ARPIN: variants seen among roughly 807,000 people sequenced by gnomAD.
ARPIN encodes the protein actin related protein 2/3 complex inhibitor.
ARPIN carries 23 observed loss-of-function variants against 25.9 expected under a neutral mutation model. The observed-to-expected ratio is 0.89, with a 90% CI of 0.64 to 1.26. The LOEUF (loss-of-function observed/expected upper bound fraction) is 1.26, where lower values mean the gene tolerates loss of function less well. Ranked by LOEUF, ARPIN falls within the 50% of genes most tolerant of loss-of-function variation. The probability of loss-of-function intolerance (pLI) is 0.00; values close to 1 mark genes in which losing one functional copy is unlikely to be tolerated. For synonymous variants in ARPIN, 126 were observed against 131.4 expected, an observed-to-expected ratio of 0.96 and a Z score of 0.28; for missense variants, 333 against 312.2, an observed-to-expected ratio of 1.07 and a Z score of -0.50.
At position 89,901,788 on chromosome 15, in the gene ARPIN, A is replaced by T. The variant is rs895871499; in HGVS notation, c.*7T>A. ...GGTGCTGGTGCCCCCAGAGGCAGCC[A>T]CGTCCCTCAGTCATCCTAGAGAAAT... On this transcript the variant is annotated 3_prime_UTR_variant, in exon 6 of 6. Transcript: ENST00000357484. The T allele has an allele frequency of 1.2e-6, 2 of 1,613,962 alleles. No individual in the cohort carries two copies. Among genetic ancestry groups the T allele is most frequent in the African/African-American group, 1.3e-5 (1 of 74,944 alleles).
At chr15:89,912,568 G>C (rs1346453564) in intron 1 of ARPIN, 176 bp downstream of exon 1, 5 of 1,347,784 alleles carry the variant, frequency 3.7e-6, no homozygotes, top group Non-Finnish European at 2.8e-6. Context: ...GTCGCTGGGC[G>C]GGCGCGGCGG....
chr15:89,902,760 A>G, intron 5 of ARPIN: 1 of 673,010 alleles, frequency 1.5e-6, no homozygotes, highest in South Asian at 4.4e-5. Context: ...CTGAGGATCA[A>G]CGTGGGGACT....
chr15:89,908,227 C>T (rs966920819), intron 3 of ARPIN, 53 bp downstream of exon 3: 39 of 1,607,186 alleles, frequency 2.4e-5, no homozygotes, highest in African/African-American at 2.1e-4. Context: ...AGAGAAAGGC[C>T]GCCACACTGC....
chr15:89,910,651 T>C, intron 2 of ARPIN, 93 bp downstream of exon 2: 1 of 1,514,138 alleles, frequency 6.6e-7, no homozygotes, highest in Non-Finnish European at 9.1e-7. Flanking sequence ...TCCCAACTCA[T>C]GGCACTGGAA....
chr15:89,912,714 G>T, intron 1 of ARPIN, 30 bp downstream of exon 1: 1 of 1,357,380 alleles, frequency 7.4e-7, no homozygotes, highest in Non-Finnish European at 9.5e-7. Context: ...GGCAGGGGAG[G>T]CCGACCCGAG....
chr15:89,910,865 C>T, intron 1 of ARPIN, 46 bp from the exon 2 acceptor site: 1 of 1,607,270 alleles, frequency 6.2e-7, no homozygotes, highest in Non-Finnish European at 8.5e-7. Context: ...TGTCAGTCCT[C>T]AGCAAATCTC....
rs1896998219 is a variant in ARPIN at position 89,900,361 on chromosome 15, G to T, written c.*1434C>A. ...TTAGCTGTGTGACTCTGGGCAGGTT[G>T]CTTAACCTGTCTGAGACCCTTTTCC... On this transcript the variant is annotated 3_prime_UTR_variant, in exon 6 of 6. Coordinates refer to ENST00000357484, the MANE Select transcript of ARPIN (RefSeq NM_182616.4). 1 of 152,228 alleles carries T rather than the reference G, an allele frequency of 6.6e-6. No homozygotes were observed. The highest frequency in any genetic ancestry group is 2.4e-5 in the African/African-American group (1 of 41,436). 9.4% of individuals were successfully genotyped at this position (152,228 alleles called of 1,614,324 possible).
chr15:89,905,343 C>A (rs2141921932), intron 3 of ARPIN, among the ~76,000 whole-genome samples: 1 of 152,064 alleles, frequency 6.6e-6, no homozygotes, highest in Non-Finnish European at 1.5e-5. Flanking sequence ...TCTGACCACA[C>A]AAAACATCTC....
chr15:89,903,010 C>T (rs1897048144), intron 5 of ARPIN: 4 of 1,451,774 alleles, frequency 2.8e-6, no homozygotes, highest in Non-Finnish European at 2.7e-6. Context: ...GGTTCAGAGC[C>T]ACCTACAAGA....
At chr15:89,904,090 C>T (rs924786316) in intron 3 of ARPIN, 107 bp from the exon 4 acceptor site, 14 of 1,364,034 alleles carry the variant, frequency 1.0e-5, no homozygotes, top group African/African-American at 1.4e-5. Flanking sequence ...CTCAGTCACC[C>T]GGAGGCTGGG....
Position 89,908,259 on chromosome 15 carries a change from G to A in ARPIN, c.301+21C>T, listed in dbSNP as rs1373179737. The stretch of plus-strand genomic sequence containing the variant: ...CTGCAGGAGGGCCCTGAGGGAGAGA[G>A]GGAGGGCAGAGGATACCTACTGTAG... On this transcript the variant is annotated intron_variant, in intron 3 of 5. Coordinates refer to ENST00000357484, the MANE Select transcript of ARPIN (RefSeq NM_182616.4). 3 of 1,613,800 alleles carry A rather than the reference G, an allele frequency of 1.9e-6. No individual in the cohort carries two copies. The East Asian group carries it at 6.7e-5, about 36-fold the overall frequency.
In ARPIN at chr15:89,908,363, T is replaced by A; in HGVS notation, c.218A>T (p.Lys73Ile). The change falls in exon 3 of 6, where the codon AAA becomes ATA. Residue 73 changes from lysine (K) to isoleucine (I), a missense_variant. By Grantham distance (102) the Lys-to-Ile change is moderately radical (BLOSUM62 -3). Transcript: ENST00000357484. ...GATTTCATTTCCCTTGGCGTCGAATTTACGGCGATGGATGTGACTGGGCCG... is the reference window on the plus strand; with the variant it reads ...GATTTCATTTCCCTTGGCGTCGAATATACGGCGATGGATGTGACTGGGCCG... ...YIRPSHIHRR[K>I]FDAKGNEIEP... is the part of the protein sequence containing the mutation. 6.2e-7 allele frequency: 1 copy of A among 1,614,108 alleles called. No individual in the cohort carries two copies. Among genetic ancestry groups the A allele is most frequent in the East Asian group, 2.2e-5 (1 of 44,878 alleles).
intron 3 of ARPIN, among the ~76,000 whole-genome samples, chr15:89,907,525 C>G (rs1319741572): frequency 6.6e-6 from 1 of 152,204 alleles, no homozygotes; most frequent in African/African-American, 2.4e-5. Context: ...TGCCTTCTGC[C>G]ATGTGAGGAC....
At position 89,900,653 on chromosome 15, in the gene ARPIN, ACCACCACCCTCTCTTTTC is replaced by A. The variant is rs1161786944; in HGVS notation, c.*1124_*1141del. 4 of 152,182 alleles carry A rather than the reference ACCACCACCCTCTCTTTTC, an allele frequency of 2.6e-5. No individual in the cohort carries two copies. Among genetic ancestry groups the A allele is most frequent in the Non-Finnish European group, 2.9e-5 (2 of 68,046 alleles). The allele number at this position is 152,182 out of a possible 1,614,324, so 9.4% of individuals were successfully genotyped here. A position where few individuals can be genotyped will look rare whatever the true frequency, so the allele number is the denominator to read the frequency against. On this transcript the variant is annotated 3_prime_UTR_variant, in exon 6 of 6. Transcript: ENST00000357484. ...AGGGGGACTCCATAATTATTAGTTC[ACCACCACCCTCTCTTTTC>A]CCAAGTCAAGCAAGATCCACATGCC...
chr15:89,912,689 C>T, intron 1 of ARPIN, 55 bp downstream of exon 1: 2 of 768,834 alleles, frequency 2.6e-6, no homozygotes, highest in Non-Finnish European at 3.3e-6. Context: ...GATCCTGTTG[C>T]GGGGTTCGAG....
chr15:89,903,764 T>C lies in ARPIN; in HGVS notation c.508+13A>G. ...CAGGAACAGTGGGCCACAGTGAGGG[T>C]TGCATTGCTCACCCAGGAAGGGACC... On this transcript the variant is annotated intron_variant, in intron 4 of 5. Coordinates refer to ENST00000357484, the MANE Select transcript of ARPIN (RefSeq NM_182616.4). The C allele has an allele frequency of 1.2e-6, 2 of 1,613,840 alleles. No homozygotes were observed. Among genetic ancestry groups the C allele is most frequent in the East Asian group, 2.2e-5 (1 of 44,872 alleles).
intron 3 of ARPIN, among the ~76,000 whole-genome samples, chr15:89,905,090 C>T (rs1055674977): frequency 4.0e-5 from 6 of 151,248 alleles, no homozygotes; most frequent in African/African-American, 1.2e-4. Context: ...GGTGCAATCT[C>T]GGCTCATTGC....
Position 89,908,228 on chromosome 15 carries a change from G to A in ARPIN, c.301+52C>T, listed in dbSNP as rs542841586. On this transcript the variant is annotated intron_variant, in intron 3 of 5. Coordinates refer to ENST00000357484, the MANE Select transcript of ARPIN (RefSeq NM_182616.4). Reference sequence around the variant, plus strand: ...CTAAGAGGCTCAGAAGAGAAAGGCCGCCACACTGCAGGAGGGCCCTGAGGG... The same window carrying A: ...CTAAGAGGCTCAGAAGAGAAAGGCCACCACACTGCAGGAGGGCCCTGAGGG... The A allele has an allele frequency of 2.8e-4, 447 of 1,608,226 alleles. 3 individuals are homozygous for A. The South Asian group carries it at 4.3e-3, about 15-fold the overall frequency.
At chr15:89,907,380 A>T (rs1418511430) in intron 3 of ARPIN, among the ~76,000 whole-genome samples, 2 of 152,210 alleles carry the variant, frequency 1.3e-5, no homozygotes, top group African/African-American at 4.8e-5. Context: ...AAATTTTTTT[A>T]AAAAAGAAAA....
Sources: allele counts gnomAD v4.1 joint callset (sites outside exome capture counted in the v4.1 genomes callset), GRCh38; gene constraint gnomAD v4.1.1; transcripts MANE v1.5; gene names NCBI Gene and HGNC (gene_info 2026-07-23, HGNC 2026-07-21).